The following ZDHHC14 variants were observed in gnomAD, a reference collection of about 807,000 sequenced individuals.
The protein encoded by ZDHHC14 is zDHHC palmitoyltransferase 14.
Under a neutral mutation model 47.7 loss-of-function variants are expected in ZDHHC14, and 16 were observed. That is an observed-to-expected ratio of 0.34 (90% confidence interval 0.23 to 0.51). The LOEUF (loss-of-function observed/expected upper bound fraction) is 0.51. Among genes scored for constraint, ZDHHC14 ranks in the 20% least tolerant of loss-of-function variants. ZDHHC14 has a pLI of 0.97. For missense variants in ZDHHC14, 515 were observed against 662.5 expected (o/e 0.78, Z 2.44); for synonymous variants, 293 against 278.9 (o/e 1.05, Z -0.50).
intron 3 of ZDHHC14, among the ~76,000 whole-genome samples, chr6:157,616,851 C>T (rs150588382): frequency 5.9e-5 from 9 of 152,236 alleles, no homozygotes; most frequent in African/African-American, 1.2e-4. Flanking sequence ...TTAGGCAAAT[C>T]GGGATGGTCA....
At chr6:157,548,778 G>A (rs944687773) in intron 2 of ZDHHC14, among the ~76,000 whole-genome samples, 7 of 152,272 alleles carry the variant, frequency 4.6e-5, no homozygotes, top group African/African-American at 1.2e-4. Context: ...CTGTGATGCC[G>A]CCTCAGTAGC....
At position 157,673,339 on chromosome 6, in the gene ZDHHC14, C is replaced by A. The variant is rs1778895130; in HGVS notation, c.*217C>A. ...TGAATTTTCTTCCCCAACCTGAGTG[C>A]TTTGACAACAATGGAAATAGAGAAG... On this transcript the variant is annotated 3_prime_UTR_variant, in exon 9 of 9. Coordinates refer to ENST00000359775, the MANE Select transcript of ZDHHC14 (RefSeq NM_024630.3). The surrounding 1 kb of genome is among the most constrained non-coding windows in gnomAD (Gnocchi z 5.4). 1 of 595,220 alleles carries A rather than the reference C, an allele frequency of 1.7e-6. No homozygotes were observed. Among genetic ancestry groups the A allele is most frequent in the Admixed American group, 3.9e-5 (1 of 25,640 alleles). 36.9% of individuals were successfully genotyped at this position (595,220 alleles called of 1,614,324 possible). A position where few individuals can be genotyped will look rare whatever the true frequency, so the allele number is the denominator to read the frequency against.
intron 1 of ZDHHC14, among the ~76,000 whole-genome samples, chr6:157,420,104 A>G (rs1257399554): frequency 6.6e-6 from 1 of 152,276 alleles, no homozygotes; most frequent in Non-Finnish European, 1.5e-5. Flanking sequence ...GGTCTCTAGC[A>G]TGGAATGAAA....
At chr6:157,578,743 T>A (rs540716522) in intron 2 of ZDHHC14, among the ~76,000 whole-genome samples, 15 of 152,246 alleles carry the variant, frequency 9.9e-5, no homozygotes, top group Non-Finnish European at 2.1e-4. Context: ...TTCCCCTGCT[T>A]GCACTCACTG....
chr6:157,612,385 C>T (rs994399065), intron 3 of ZDHHC14, among the ~76,000 whole-genome samples: 1 of 152,202 alleles, frequency 6.6e-6, no homozygotes, highest in Non-Finnish European at 1.5e-5. Context: ...AATCCTTAAC[C>T]TAGTATACAA....
At chr6:157,538,630 G>A (rs1244272593) in intron 1 of ZDHHC14, among the ~76,000 whole-genome samples, 1 of 152,164 alleles carries the variant, frequency 6.6e-6, no homozygotes, top group Non-Finnish European at 1.5e-5. Context: ...ATCTAGTGAG[G>A]TGCATGGAGC....
chr6:157,397,478 C>T (rs1312527646), intron 1 of ZDHHC14, among the ~76,000 whole-genome samples: 6 of 152,166 alleles, frequency 3.9e-5, no homozygotes, highest in Non-Finnish European at 2.9e-5. Flanking sequence ...TCCCCTCCCT[C>T]CATCCTCAAA....
At chr6:157,559,631 A>G (rs1298165698) in intron 2 of ZDHHC14, among the ~76,000 whole-genome samples, 2 of 152,178 alleles carry the variant, frequency 1.3e-5, no homozygotes, top group Admixed American at 1.3e-4. Context: ...ATTCTCAGTT[A>G]AAGACATACT....
chr6:157,523,316 T>C (rs1442905149), intron 1 of ZDHHC14, among the ~76,000 whole-genome samples: 2 of 152,150 alleles, frequency 1.3e-5, no homozygotes, highest in African/African-American at 4.8e-5. Context: ...TCCAAAAATG[T>C]CTTTCTCAGT....
At chr6:157,480,796 G>A (rs1583688683) in intron 1 of ZDHHC14, among the ~76,000 whole-genome samples, 1 of 147,792 alleles carries the variant, frequency 6.8e-6, no homozygotes, top group South Asian at 2.1e-4. Context: ...TCTGGGTTAT[G>A]TGCTCAGAGA....
At chr6:157,585,288 G>C (rs1161067513) in intron 2 of ZDHHC14, among the ~76,000 whole-genome samples, 3 of 151,856 alleles carry the variant, frequency 2.0e-5, no homozygotes, top group African/African-American at 7.3e-5. Flanking sequence ...AAATTCTAGT[G>C]TTTGACCCAC....
chr6:157,397,525 C>T (rs1777546419), intron 1 of ZDHHC14, among the ~76,000 whole-genome samples: 1 of 152,174 alleles, frequency 6.6e-6, no homozygotes, highest in Non-Finnish European at 1.5e-5. Flanking sequence ...CATCATCACA[C>T]CTCCCTCTGC....
chr6:157,486,524 G>T (rs1343662798), intron 1 of ZDHHC14, among the ~76,000 whole-genome samples: 1 of 152,214 alleles, frequency 6.6e-6, no homozygotes, highest in Non-Finnish European at 1.5e-5. Flanking sequence ...CATTTATATA[G>T]ATATTTCCAT....
At chr6:157,398,034 C>T (rs1428227293) in intron 1 of ZDHHC14, among the ~76,000 whole-genome samples, 1 of 150,322 alleles carries the variant, frequency 6.7e-6, no homozygotes, top group Non-Finnish European at 1.5e-5. Flanking sequence ...CCTCAGCCCC[C>T]CAGCTCCCCA....
At chr6:157,557,204 G>A (rs1311748394) in intron 2 of ZDHHC14, among the ~76,000 whole-genome samples, 2 of 152,204 alleles carry the variant, frequency 1.3e-5, no homozygotes, top group Non-Finnish European at 2.9e-5. Context: ...ACAGCCTCTC[G>A]CACGCTGTAG....
intron 8 of ZDHHC14, among the ~76,000 whole-genome samples, chr6:157,660,188 C>CCTT (rs1554279429): frequency 2.3e-5 from 2 of 86,660 alleles, no homozygotes; most frequent in Non-Finnish European, 4.6e-5. Context: ...TTCTTTTTTT[C>CCTT]TTTTTTTTTT....
intron 8 of ZDHHC14, among the ~76,000 whole-genome samples, chr6:157,666,073 T>C (rs951138014): frequency 6.6e-6 from 1 of 152,250 alleles, no homozygotes; most frequent in Non-Finnish European, 1.5e-5. Flanking sequence ...ATGCATGACA[T>C]ACTCACGACA....
chr6:157,659,423 G>A (rs1208323675), intron 8 of ZDHHC14, among the ~76,000 whole-genome samples: 2 of 152,190 alleles, frequency 1.3e-5, no homozygotes, highest in South Asian at 2.1e-4. Context: ...TGAGAAATAC[G>A]CGTACCAATT....
At chr6:157,548,634 T>C (rs574561149) in intron 2 of ZDHHC14, among the ~76,000 whole-genome samples, 41 of 152,264 alleles carry the variant, frequency 2.7e-4, no homozygotes, top group Non-Finnish European at 4.9e-4. Context: ...TTAGTAAAGA[T>C]GGGGTTTCTC....
Sources: allele counts gnomAD v4.1 joint callset (sites outside exome capture counted in the v4.1 genomes callset), GRCh38; gene constraint gnomAD v4.1.1; non-coding constraint Gnocchi (gnomAD v3.1); transcripts MANE v1.5; gene names NCBI Gene and HGNC (gene_info 2026-07-23, HGNC 2026-07-21).